Variants in CHRM3 observed in about 807,000 individuals in gnomAD.
CHRM3 encodes muscarinic acetylcholine receptor M3.
A neutral mutation model predicts 41.8 loss-of-function variants in CHRM3; 11 were observed. The ratio of observed to expected loss-of-function variants is 0.26; its 90% CI spans 0.17 to 0.44. CHRM3 has a LOEUF of 0.44. CHRM3 is among the 20% of genes least tolerant of loss of function. The probability of loss-of-function intolerance (pLI) is 1.00; values close to 1 mark genes in which losing one functional copy is unlikely to be tolerated. For missense variants in CHRM3, 571 were observed against 745.4 expected (o/e 0.77, Z 2.72); for synonymous variants, 297 against 301.4 (o/e 0.99, Z 0.15).
chr1:239,541,618 C>T lies in CHRM3; in HGVS notation c.-421-4023C>T, dbSNP rs540516671. 1.4e-4 allele frequency among the ~76,000 whole-genome samples: 21 copies of T among 152,160 alleles called. No individual in the cohort carries two copies. In the South Asian group the frequency reaches 4.4e-3, roughly 32 times the overall value. Reference sequence around the variant, plus strand: ...CCTCCACCTCCCAGGCTCAGGTGATCCTTCCACCTCAGCCTCCCAAGTAGC... The same window carrying T: ...CCTCCACCTCCCAGGCTCAGGTGATTCTTCCACCTCAGCCTCCCAAGTAGC... On this transcript the variant is annotated intron_variant, in intron 2 of 6. Transcript: ENST00000676153.
intron 5 of CHRM3, among the ~76,000 whole-genome samples, chr1:239,688,827 T>C (rs1233975049): frequency 7.1e-6 from 1 of 140,606 alleles, no homozygotes; most frequent in East Asian, 2.0e-4. Context: ...ATATAATATA[T>C]ATTATATAAT....
intron 2 of CHRM3, among the ~76,000 whole-genome samples, chr1:239,529,990 C>T (rs1221932784): frequency 6.6e-6 from 1 of 152,022 alleles, no homozygotes; most frequent in Admixed American, 6.6e-5. Flanking sequence ...CTCCGCCTCC[C>T]AGGTTCACGC....
chr1:239,420,030 G>A (rs1661821782), intron 1 of CHRM3, among the ~76,000 whole-genome samples: 1 of 152,136 alleles, frequency 6.6e-6, no homozygotes, highest in Non-Finnish European at 1.5e-5. Context: ...TAATTAGCCC[G>A]CATAACGATG....
At chr1:239,723,116 G>A (rs891814149) in intron 5 of CHRM3, among the ~76,000 whole-genome samples, 6 of 151,834 alleles carry the variant, frequency 4.0e-5, no homozygotes, top group African/African-American at 1.2e-4. Flanking sequence ...GAGTTGGAAT[G>A]TCAATAATAT....
chr1:239,680,374 A>G (rs371492731), intron 5 of CHRM3, among the ~76,000 whole-genome samples: 127 of 152,286 alleles, frequency 8.3e-4, no homozygotes, highest in African/African-American at 2.9e-3. Context: ...AGCAAATGGA[A>G]GAAGACTACA....
At chr1:239,884,722 A>G (rs521328) in intron 6 of CHRM3, among the ~76,000 whole-genome samples, 89,914 of 152,010 alleles carry the variant, frequency 0.59, 26,580 homozygotes, top group Middle Eastern at 0.66. Context: ...TGAACTGTGC[A>G]TGCCTATACA....
At chr1:239,774,711 G>T (rs548501332) in intron 5 of CHRM3, among the ~76,000 whole-genome samples, 1 of 152,158 alleles carries the variant, frequency 6.6e-6, no homozygotes, top group Non-Finnish European at 1.5e-5. Context: ...AGAAGGATAT[G>T]GGGGAAGTCC....
intron 2 of CHRM3, among the ~76,000 whole-genome samples, chr1:239,493,913 A>G (rs1458555626): frequency 3.3e-5 from 5 of 152,218 alleles, no homozygotes. Context: ...AGAATTCACC[A>G]GGAAAGAATT....
intron 5 of CHRM3, among the ~76,000 whole-genome samples, chr1:239,699,061 CAT>C (rs1390505726): frequency 6.6e-6 from 1 of 152,100 alleles, no homozygotes; most frequent in Non-Finnish European, 1.5e-5. Context: ...CCACAGTTAA[CAT>C]ATTGGCATTT....
chr1:239,389,765 A>C (rs1192497679), intron 1 of CHRM3, among the ~76,000 whole-genome samples: 1 of 152,220 alleles, frequency 6.6e-6, no homozygotes, highest in African/African-American at 2.4e-5. Flanking sequence ...CCCAGCCAAC[A>C]TATTGTTCTT....
intron 5 of CHRM3, among the ~76,000 whole-genome samples, chr1:239,766,680 TATAG>T (rs1487600105): frequency 2.6e-5 from 1 of 37,860 alleles, no homozygotes. Context: ...GATATATAGA[TATAG>T]ATATAGATAT....
chr1:239,848,554 T>G (rs12090742), intron 6 of CHRM3, among the ~76,000 whole-genome samples: 4,761 of 152,216 alleles, frequency 0.031, 254 homozygotes, highest in African/African-American at 0.11. Flanking sequence ...ATCCTCATAT[T>G]TTATCCCCAT....
At chr1:239,741,218 G>C (rs927749426) in intron 5 of CHRM3, among the ~76,000 whole-genome samples, 9 of 152,128 alleles carry the variant, frequency 5.9e-5, no homozygotes, top group African/African-American at 2.2e-4. Context: ...TTTATGTTTT[G>C]ATCTGGTGAA....
chr1:239,557,404 C>G (rs1558317076), intron 3 of CHRM3, among the ~76,000 whole-genome samples: 1 of 152,154 alleles, frequency 6.6e-6, no homozygotes, highest in African/African-American at 2.4e-5. Context: ...GGAGACTACT[C>G]TAACACACCT....
At chr1:239,530,119 G>T (rs1670294467) in intron 2 of CHRM3, among the ~76,000 whole-genome samples, 1 of 152,074 alleles carries the variant, frequency 6.6e-6, no homozygotes. Flanking sequence ...TAGCCAGGAT[G>T]GTCTTGATCT....
chr1:239,621,556 G>C lies in CHRM3; in HGVS notation c.-312-10668G>C, dbSNP rs557877602. 3.7e-4 allele frequency among the ~76,000 whole-genome samples: 57 copies of C among 152,266 alleles called. 2 individuals are homozygous for C. In the South Asian group the frequency reaches 0.011, roughly 30 times the overall value. On this transcript the variant is annotated intron_variant, in intron 3 of 6. Coordinates refer to ENST00000676153, the MANE Select transcript of CHRM3 (RefSeq NM_001375978.1). ...ACTCCAGTGAACACACAAATGATAA[G>C]AAGGCAAAACAGCCTTATTGCTGAT...
intron 3 of CHRM3, among the ~76,000 whole-genome samples, chr1:239,615,729 T>C (rs1667557899): frequency 6.6e-6 from 1 of 152,142 alleles, no homozygotes; most frequent in African/African-American, 2.4e-5. Context: ...ATCTCCATTA[T>C]CATAGTGCCT....
chr1:239,563,600 C>T (rs1661081107), intron 3 of CHRM3, among the ~76,000 whole-genome samples: 1 of 152,102 alleles, frequency 6.6e-6, no homozygotes, highest in Admixed American at 6.6e-5. Context: ...GTTTGTACTA[C>T]AGCAGCGATT....
At chr1:239,851,825 A>G (rs1013684393) in intron 6 of CHRM3, among the ~76,000 whole-genome samples, 2 of 152,204 alleles carry the variant, frequency 1.3e-5, no homozygotes, top group East Asian at 3.9e-4. Flanking sequence ...TTTAGAGATG[A>G]CACTTTATAA....
Sources: allele counts gnomAD v4.1 joint callset (sites outside exome capture counted in the v4.1 genomes callset), GRCh38; gene constraint gnomAD v4.1.1; transcripts MANE v1.5; gene names NCBI Gene and HGNC (gene_info 2026-07-23, HGNC 2026-07-21).